The following NBAS variants were observed in gnomAD, a reference collection of about 807,000 sequenced individuals.
NBAS encodes the protein NBAS subunit of NRZ tethering complex.
In NBAS, 219 loss-of-function variants were observed where a neutral mutation model predicts 302.5. The observed-to-expected ratio is 0.72, with a 90% confidence interval of 0.65 to 0.81. The LOEUF (loss-of-function observed/expected upper bound fraction) is 0.81. Among genes scored for constraint, NBAS ranks in the 30% least tolerant of loss-of-function variants. NBAS has a pLI of 0.00. For synonymous variants in NBAS, 1,118 were observed against 1,021.6 expected (o/e 1.09, Z -1.80); for missense variants, 2,932 against 2,841.6 (o/e 1.03, Z -0.72).
At chr2:15,374,512 C>A in intron 31 of NBAS, 96 bp downstream of exon 31, 1 of 1,050,332 alleles carries the variant, frequency 9.5e-7, no homozygotes. Context: ...GATTACATGA[C>A]CAAAGCTACT....
the NBAS span, among the ~76,000 whole-genome samples, chr2:14,948,281 T>C: frequency 6.6e-6 from 1 of 152,072 alleles, no homozygotes; most frequent in African/African-American, 2.4e-5. Flanking sequence ...GTAGAATTTA[T>C]TTTAGTTATT....
intron 21 of NBAS, among the ~76,000 whole-genome samples, chr2:15,450,623 A>G (rs1678960983): frequency 6.6e-6 from 1 of 152,184 alleles, no homozygotes; most frequent in East Asian, 1.9e-4. Flanking sequence ...ATTTCTATTT[A>G]TTTACTGAAT....
chr2:15,012,285 A>C, the NBAS span, among the ~76,000 whole-genome samples: 58 of 152,262 alleles, frequency 3.8e-4, no homozygotes, highest in African/African-American at 1.3e-3. Context: ...AAATACAGTC[A>C]AGAGCTTCAA....
At chr2:15,319,728 A>G (rs1448233589) in intron 38 of NBAS, among the ~76,000 whole-genome samples, 2 of 152,220 alleles carry the variant, frequency 1.3e-5, no homozygotes, top group African/African-American at 4.8e-5. Context: ...GACAAATAAC[A>G]GGCTCTGAAA....
chr2:15,176,924 T>G (rs1314540012), intron 51 of NBAS, among the ~76,000 whole-genome samples: 1 of 152,208 alleles, frequency 6.6e-6, no homozygotes, highest in Non-Finnish European at 1.5e-5. Flanking sequence ...GTTTTTAAAA[T>G]GGAAAACTCT....
At chr2:14,817,135 C>T in the NBAS span, among the ~76,000 whole-genome samples, 1 of 151,468 alleles carries the variant, frequency 6.6e-6, no homozygotes, top group Non-Finnish European at 1.5e-5. Context: ...TTCCCCCAAA[C>T]CAACCCATGT....
chr2:15,360,474 T>C (rs1329081206), intron 32 of NBAS, among the ~76,000 whole-genome samples: 1 of 151,764 alleles, frequency 6.6e-6, no homozygotes, highest in East Asian at 1.9e-4. Context: ...GCACCCTAAG[T>C]AGTTAGGCCT....
Position 15,474,340 on chromosome 2 carries a change from A to C in NBAS, c.1342-16T>G. 1 of 1,604,550 alleles carries C rather than the reference A, an allele frequency of 6.2e-7. No individual in the cohort carries two copies. Reference sequence around the variant, plus strand: ...TAATCTCACACTAAATTGAAAAAGGAGATTTGAAGTTAATAGTAAGGAAAT... The same window carrying C: ...TAATCTCACACTAAATTGAAAAAGGCGATTTGAAGTTAATAGTAAGGAAAT... On this transcript the variant is annotated splice_polypyrimidine_tract_variant and intron_variant, in intron 14 of 51. Transcript: ENST00000281513.
intron 32 of NBAS, among the ~76,000 whole-genome samples, chr2:15,364,424 G>A (rs867123822): frequency 4.6e-5 from 7 of 151,658 alleles, no homozygotes; most frequent in East Asian, 2.0e-4. Context: ...CCAGCTACTC[G>A]GGAGGCTAAG....
At chr2:15,213,314 AAC>A (rs1340699489) in intron 48 of NBAS, among the ~76,000 whole-genome samples, 3 of 152,248 alleles carry the variant, frequency 2.0e-5, no homozygotes, top group African/African-American at 7.2e-5. Flanking sequence ...CTGTTCAAAC[AAC>A]AGTTAATAGG....
intron 48 of NBAS, among the ~76,000 whole-genome samples, chr2:15,209,745 A>G (rs1312866688): frequency 6.6e-6 from 1 of 152,184 alleles, no homozygotes. Flanking sequence ...TATAGTAAGC[A>G]AAATAGCAGG....
intron 38 of NBAS, among the ~76,000 whole-genome samples, chr2:15,316,746 C>T (rs186861719): frequency 6.6e-6 from 1 of 152,258 alleles, no homozygotes; most frequent in South Asian, 2.1e-4. Context: ...AGGAGCCCAC[C>T]GCAGCTCAGC....
chr2:15,199,896 A>ATTTTTT (rs35760010), intron 48 of NBAS, among the ~76,000 whole-genome samples: 5 of 121,450 alleles, frequency 4.1e-5, no homozygotes, highest in Non-Finnish European at 8.6e-5. Context: ...AGAAAGCTGG[A>ATTTTTT]TTTTTTTTTT....
chr2:15,027,163 T>C, the NBAS span, among the ~76,000 whole-genome samples: 2 of 152,132 alleles, frequency 1.3e-5, no homozygotes, highest in Admixed American at 1.3e-4. Flanking sequence ...GGCATGGCAT[T>C]CACATTTAAT....
At chr2:14,820,503 T>C in the NBAS span, among the ~76,000 whole-genome samples, 360 of 152,246 alleles carry the variant, frequency 2.4e-3, no homozygotes, top group African/African-American at 7.9e-3. Context: ...AGAAGGATGG[T>C]AACCAGAGGC....
the NBAS span, among the ~76,000 whole-genome samples, chr2:15,055,423 C>T: frequency 7.2e-5 from 11 of 152,268 alleles, no homozygotes; most frequent in South Asian, 1.9e-3. Flanking sequence ...ATTCATGCTC[C>T]TCTCCTCTAC....
rs752654275 is a variant in NBAS at position 15,467,796 on chromosome 2, A to G, written c.1886T>C (p.Leu629Ser). 1 of 1,589,022 alleles carries G rather than the reference A, an allele frequency of 6.3e-7. No homozygotes were observed. The highest frequency in any genetic ancestry group is 1.1e-5 in the South Asian group (1 of 89,964). ...GKGADDGRFT[L>S]PGEIDIDSIS... ...ACTGTCAATGTCTATTTCACCAGGT[A>G]ATGTAAATCTGCAAGTATAAAAGAA... Residue 629 changes from leucine (L) to serine (S), a missense_variant, in exon 18 of 52, where the codon TTA becomes TCA. Coordinates refer to ENST00000281513, the MANE Select transcript of NBAS (RefSeq NM_015909.4).
At chr2:14,953,280 T>C in the NBAS span, among the ~76,000 whole-genome samples, 4 of 151,904 alleles carry the variant, frequency 2.6e-5, no homozygotes, top group East Asian at 5.8e-4. Flanking sequence ...GGGAGGATGA[T>C]GAGAGTCAGG....
Position 15,167,274 on chromosome 2 carries a change from G to A in NBAS, c.6890C>T (p.Ala2297Val). ...DQELLSLLLD[A>V]KLLVKCVSTP... Reference sequence around the variant, plus strand: ...GGAGACACACTTCACCAGCAGCTTGGCATCCAGGAGCAGGGAAAGAAGTTC... The same window carrying A: ...GGAGACACACTTCACCAGCAGCTTGACATCCAGGAGCAGGGAAAGAAGTTC... The change falls in exon 52 of 52, where the codon GCC becomes GTC. Residue 2297 changes from alanine (A) to valine (V), a missense_variant. Ala to Val is a moderately conservative substitution (Grantham distance 64, BLOSUM62 0). Transcript: ENST00000281513. The A allele has an allele frequency of 6.2e-7, 1 of 1,614,240 alleles. No individual in the cohort carries two copies. Among genetic ancestry groups the A allele is most frequent in the Non-Finnish European group, 8.5e-7 (1 of 1,180,032 alleles).
Sources: allele counts gnomAD v4.1 joint callset (sites outside exome capture counted in the v4.1 genomes callset), GRCh38; gene constraint gnomAD v4.1.1; transcripts MANE v1.5; gene names NCBI Gene and HGNC (gene_info 2026-07-23, HGNC 2026-07-21).